Variants in TUBA1C observed in about 807,000 individuals in gnomAD.
TUBA1C encodes tubulin alpha-1C chain.
Under a neutral mutation model 34.9 loss-of-function variants are expected in TUBA1C, and 16 were observed. That is an observed-to-expected ratio of 0.46 (90% CI 0.31 to 0.70). The LOEUF (loss-of-function observed/expected upper bound fraction) is 0.70, where lower values mean the gene tolerates loss of function less well. TUBA1C is among the 30% of genes least tolerant of loss of function. TUBA1C has a pLI of 0.05. For synonymous variants in TUBA1C, 177 were observed against 215.9 expected, an observed-to-expected ratio of 0.82 and a Z score of 1.58; for missense variants, 329 against 587.3, an observed-to-expected ratio of 0.56 and a Z score of 4.55.
At chr12:49,252,824 A>C (rs935775528) in intron 1 of TUBA1C, among the ~76,000 whole-genome samples, 3 of 152,148 alleles carry the variant, frequency 2.0e-5, no homozygotes, top group African/African-American at 7.2e-5. Flanking sequence ...GAGGCAGGAG[A>C]ATCACTTGAA....
intron 1 of TUBA1C, among the ~76,000 whole-genome samples, chr12:49,238,907 C>T (rs1359146764): frequency 6.6e-6 from 1 of 152,186 alleles, no homozygotes; most frequent in Non-Finnish European, 1.5e-5. Context: ...GTTCAGCCAT[C>T]CAGAAGCTCT....
At position 49,248,562 on chromosome 12, in the gene TUBA1C, GAA is replaced by G. The variant is rs377471762; in HGVS notation, c.213+20408_213+20409del. On this transcript the variant is annotated intron_variant, in intron 1 of 3. Transcript: ENST00000541364. ...GCAACAACAGCGAAACTCTGTCTCA[GAA>G]AAAAAAAAAAAGAAAAGGGCCGGGC... Among the ~76,000 whole-genome samples the G allele has an allele frequency of 6.4e-5, 8 of 124,620 alleles. No individual in the cohort carries two copies. The South Asian group carries it at 2.0e-3, about 31-fold the overall frequency. The allele number at this position is 124,620 out of a possible 152,430, so 81.8% of individuals were successfully genotyped here. A position where few individuals can be genotyped will look rare whatever the true frequency, so the allele number is the denominator to read the frequency against.
intron 1 of TUBA1C, among the ~76,000 whole-genome samples, chr12:49,255,169 G>T (rs753844115): frequency 5.9e-5 from 9 of 151,832 alleles, no homozygotes; most frequent in Non-Finnish European, 1.2e-4. Flanking sequence ...ACCTTGCCAA[G>T]GTTACTCTAT....
At chr12:49,246,193 AC>A (rs1942665437) in intron 1 of TUBA1C, among the ~76,000 whole-genome samples, 1 of 145,882 alleles carries the variant, frequency 6.9e-6, no homozygotes, top group Non-Finnish European at 1.5e-5. Flanking sequence ...GGCGTGAGCC[AC>A]TGCATCTGGC....
intron 3 of TUBA1C, among the ~76,000 whole-genome samples, chr12:49,270,810 C>T (rs1217295202): frequency 6.6e-6 from 1 of 152,096 alleles, no homozygotes; most frequent in African/African-American, 2.4e-5. Context: ...GAAACCCTCT[C>T]TACTAAAAAT....
intron 1 of TUBA1C, among the ~76,000 whole-genome samples, chr12:49,255,538 C>T (rs529993829): frequency 1.3e-5 from 2 of 151,778 alleles, no homozygotes; most frequent in Admixed American, 1.3e-4. Flanking sequence ...AGTCATGAAC[C>T]ACTCTACCTG....
At chr12:49,255,874 C>T (rs1476639267) in intron 1 of TUBA1C, among the ~76,000 whole-genome samples, 1 of 152,166 alleles carries the variant, frequency 6.6e-6, no homozygotes, top group African/African-American at 2.4e-5. Context: ...CCAGATTTAT[C>T]TTTTTAGGCT....
chr12:49,269,134 A>G (rs985548064), intron 1 of TUBA1C, among the ~76,000 whole-genome samples: 3 of 152,150 alleles, frequency 2.0e-5, no homozygotes, highest in African/African-American at 7.2e-5. Context: ...ATCTCAGCTC[A>G]CTGCAACCTC....
At chr12:49,271,095 G>A (rs1942986849) in intron 3 of TUBA1C, among the ~76,000 whole-genome samples, 1 of 152,212 alleles carries the variant, frequency 6.6e-6, no homozygotes, top group African/African-American at 2.4e-5. Context: ...TCTGGAACGT[G>A]AGGTTTATTG....
intron 1 of TUBA1C, among the ~76,000 whole-genome samples, chr12:49,250,341 G>A (rs894968615): frequency 1.3e-5 from 2 of 151,860 alleles, no homozygotes; most frequent in African/African-American, 4.8e-5. Context: ...TGGCTAACAC[G>A]ATGAAACCCC....
intron 1 of TUBA1C, among the ~76,000 whole-genome samples, chr12:49,230,222 C>T (rs1168775775): frequency 6.6e-6 from 1 of 151,988 alleles, no homozygotes; most frequent in Non-Finnish European, 1.5e-5. Flanking sequence ...TTCTCTTGAC[C>T]TCATCTGTGC....
At chr12:49,234,597 G>C (rs976202342) in intron 1 of TUBA1C, among the ~76,000 whole-genome samples, 8 of 152,208 alleles carry the variant, frequency 5.3e-5, no homozygotes, top group South Asian at 2.1e-4. Flanking sequence ...TCTGTCCCCG[G>C]TGACCAGCAG....
In TUBA1C at chr12:49,265,163, A is replaced by G. The variant is rs750839969; in HGVS notation, c.-19A>G. On this transcript the variant is annotated 5_prime_UTR_variant, in exon 1 of 4. Transcript: ENST00000301072. ...CCCTTCGCCTCCTTCACCGCCGCAG[A>G]CCCCTTCAAGTTCTAGTCATGGTGA... is the stretch of plus-strand genomic sequence containing the variant. 1 of 1,602,472 alleles carries G rather than the reference A, an allele frequency of 6.2e-7. No homozygotes were observed. Among genetic ancestry groups the G allele is most frequent in the East Asian group, 2.2e-5 (1 of 44,596 alleles).
At chr12:49,239,693 G>A (rs554834896) in intron 1 of TUBA1C, among the ~76,000 whole-genome samples, 65 of 151,654 alleles carry the variant, frequency 4.3e-4, no homozygotes, top group African/African-American at 1.5e-3. Context: ...GTGCAGCTGC[G>A]TACTCCTGTA....
chr12:49,233,814 TGAA>T (rs1435811159), intron 1 of TUBA1C: 1 of 152,078 alleles, frequency 6.6e-6, no homozygotes, highest in Non-Finnish European at 1.5e-5. Context: ...CTGGGCAAGG[TGAA>T]GGGCAGGGCT....
chr12:49,248,867 C>CA (rs201685193), intron 1 of TUBA1C, among the ~76,000 whole-genome samples: 1,117 of 60,030 alleles, frequency 0.019, 15 homozygotes, highest in African/African-American at 0.035. Flanking sequence ...GACTCCCTCT[C>CA]AAAAAAAAAA....
rs10875941 is a variant in TUBA1C at position 49,274,138 on chromosome 12, T to C, written c.*911T>C. 0.39 allele frequency: 59,009 copies of C among 151,724 alleles called. 13,784 individuals carry two copies. Among genetic ancestry groups the C allele is most frequent in the East Asian group, 0.76 (3,917 of 5,166 alleles). The allele number at this position is 151,724 out of a possible 1,614,324, so 9.4% of individuals were successfully genotyped here. On this transcript the variant is annotated 3_prime_UTR_variant, in exon 4 of 4. Transcript: ENST00000301072. ...CAGACACGTCTTAAATTTTTTTTCT[T>C]TGAGATGGTCTCTTTCCCAGGCTGC... is the stretch of plus-strand genomic sequence containing the variant.
intron 1 of TUBA1C, among the ~76,000 whole-genome samples, chr12:49,259,677 A>C (rs950686568): frequency 1.3e-5 from 2 of 152,342 alleles, no homozygotes; most frequent in Admixed American, 6.5e-5. Context: ...ATTTCTTAGA[A>C]CAGATCTTGG....
At chr12:49,271,323 A>G (rs1942989306) in intron 3 of TUBA1C, among the ~76,000 whole-genome samples, 1 of 152,194 alleles carries the variant, frequency 6.6e-6, no homozygotes, top group Non-Finnish European at 1.5e-5. Flanking sequence ...GAAGGTCAAA[A>G]TCATTCCTTC....
Sources: gnomAD v4.1 joint callset for allele counts (sites outside exome capture counted in the v4.1 genomes callset) on GRCh38, gnomAD v4.1.1 for gene constraint, MANE v1.5 for transcripts, NCBI Gene and HGNC (gene_info 2026-07-23, HGNC 2026-07-21) for gene names.